The following EXD1 variants were observed in gnomAD, a reference collection of about 807,000 sequenced individuals.
EXD1 encodes the protein exonuclease 3'-5' domain containing 1, also known as piRNA biogenesis protein EXD1.
A neutral mutation model predicts 49.1 loss-of-function variants in EXD1; 63 were observed. The ratio of observed to expected loss-of-function variants is 1.28; its 90% confidence interval spans 1.05 to 1.58. The LOEUF is 1.58. EXD1 is among the 40% of genes most tolerant of loss of function. EXD1 has a pLI of 0.00. For missense variants in EXD1, 748 were observed against 666.0 expected, an observed-to-expected ratio of 1.12 and a Z score of -1.36; for synonymous variants, 234 against 239.2, an observed-to-expected ratio of 0.98 and a Z score of 0.20.
intron 2 of EXD1, among the ~76,000 whole-genome samples, 181 bp downstream of exon 2, chr15:41,226,262 A>T (rs2047163632): frequency 6.6e-6 from 1 of 152,130 alleles, no homozygotes; most frequent in South Asian, 2.1e-4. Flanking sequence ...AAAAAAAAAA[A>T]GTAGGGACAA....
In EXD1 at chr15:41,215,839, A is replaced by G. The variant is rs8025916; in HGVS notation, c.389-6T>C. 0.079 allele frequency: 127,897 copies of G among 1,612,832 alleles called. 10,042 individuals carry two copies. Among genetic ancestry groups the G allele is most frequent in the African/African-American group, 0.4 (30,060 of 74,856 alleles). ...GTATGTCACCTCCTCTTCCTCTACA[A>G]GACAAGGATTGCATTAGATATATTT... On this transcript the variant is annotated splice_region_variant and splice_polypyrimidine_tract_variant and intron_variant, in intron 5 of 11. Transcript: ENST00000458580.
At chr15:41,224,866 G>A (rs532034160) in intron 2 of EXD1, among the ~76,000 whole-genome samples, 1 of 152,238 alleles carries the variant, frequency 6.6e-6, no homozygotes, top group Non-Finnish European at 1.5e-5. Flanking sequence ...AGGAGGCTGA[G>A]GTGGGAGGAT....
chr15:41,186,946 G>A (rs970534990), intron 11 of EXD1, among the ~76,000 whole-genome samples: 6 of 149,010 alleles, frequency 4.0e-5, no homozygotes, highest in African/African-American at 9.9e-5. Context: ...GTGCAATGGC[G>A]TGATCTCAGC....
chr15:41,186,077 G>T (rs1264895519), intron 11 of EXD1, among the ~76,000 whole-genome samples: 5 of 152,010 alleles, frequency 3.3e-5, no homozygotes, highest in Non-Finnish European at 7.4e-5. Context: ...CACAATTTTT[G>T]TACTGTTCCT....
intron 3 of EXD1, among the ~76,000 whole-genome samples, chr15:41,218,316 T>G (rs1475233709): frequency 1.3e-5 from 2 of 151,760 alleles, no homozygotes; most frequent in Admixed American, 1.3e-4. Flanking sequence ...GAAACCCCGT[T>G]TCTACTAAAA....
intron 7 of EXD1, among the ~76,000 whole-genome samples, chr15:41,206,331 G>A (rs1407725486): frequency 2.0e-5 from 3 of 151,740 alleles, no homozygotes; most frequent in Non-Finnish European, 2.9e-5. Context: ...TTAGCCAGGC[G>A]TAGAGGTGAG....
chr15:41,230,704 G>A lies in EXD1; in HGVS notation c.-279C>T, dbSNP rs985962021. On this transcript the variant is annotated 5_prime_UTR_variant, in exon 1 of 12. Transcript: ENST00000458580. ...AACCTGGAGAAAGGTCCGCGACGCCGGGGACACACGCCGCAGAGGCGACGC... is the reference window on the plus strand; with the variant it reads ...AACCTGGAGAAAGGTCCGCGACGCCAGGGACACACGCCGCAGAGGCGACGC... The A allele has an allele frequency of 1.1e-5, 8 of 720,932 alleles. No individual in the cohort carries two copies. The highest frequency in any genetic ancestry group is 3.0e-5 in the Admixed American group (1 of 33,842). 44.7% of individuals were successfully genotyped at this position (720,932 alleles called of 1,614,324 possible). A position where few individuals can be genotyped will look rare whatever the true frequency, so the allele number is the denominator to read the frequency against.
intron 2 of EXD1, among the ~76,000 whole-genome samples, chr15:41,223,146 T>G (rs969298910): frequency 6.6e-6 from 1 of 152,054 alleles, no homozygotes; most frequent in African/African-American, 2.4e-5. Context: ...TTAGGCTGGA[T>G]GTGGTGGCTC....
chr15:41,184,020 T>G lies in EXD1; in HGVS notation c.1630A>C (p.Ile544Leu). Reference protein sequence around the residue: ...RVSPSDTFYPIRKTVVSTLPP... With the variant: ...RVSPSDTFYPLRKTVVSTLPP... The stretch of plus-strand genomic sequence containing the variant: ...AGTGTGGAAACCACAGTCTTTCTGA[T>G]AGGATAAAAAGTGTCACTTGGAGAC... Residue 544 changes from isoleucine to leucine, a missense_variant, in exon 12 of 12, where the codon ATC becomes CTC. Ile to Leu is a conservative substitution (Grantham distance 5, BLOSUM62 2). Coordinates refer to ENST00000458580, the MANE Select transcript of EXD1 (RefSeq NM_001286441.2). 6.2e-7 allele frequency: 1 copy of G among 1,614,144 alleles called. No homozygotes were observed. Among genetic ancestry groups the G allele is most frequent in the Non-Finnish European group, 8.5e-7 (1 of 1,180,018 alleles).
chr15:41,212,859 C>A (rs1341346740), intron 6 of EXD1, among the ~76,000 whole-genome samples: 1 of 151,994 alleles, frequency 6.6e-6, no homozygotes, highest in African/African-American at 2.4e-5. Flanking sequence ...GGCAACATAA[C>A]GAGACGTTGT....
chr15:41,210,374 C>T (rs1369670871), intron 6 of EXD1, among the ~76,000 whole-genome samples: 2 of 152,278 alleles, frequency 1.3e-5, no homozygotes, highest in African/African-American at 4.8e-5. Context: ...TCCCTTAAAG[C>T]CTCGGATTCA....
intron 9 of EXD1, among the ~76,000 whole-genome samples, chr15:41,192,886 C>G (rs535193309): frequency 1.8e-4 from 27 of 151,030 alleles, no homozygotes; most frequent in Non-Finnish European, 3.4e-4. Context: ...AGCTCCGCCT[C>G]CCGGGTTCAC....
chr15:41,193,181 G>T (rs1244151317), intron 9 of EXD1, among the ~76,000 whole-genome samples: 3 of 152,096 alleles, frequency 2.0e-5, no homozygotes, highest in Non-Finnish European at 4.4e-5. Context: ...GCCTCCCAAA[G>T]TGTTGGGATT....
At chr15:41,199,097 T>C (rs896800077) in intron 7 of EXD1, among the ~76,000 whole-genome samples, 5 of 152,120 alleles carry the variant, frequency 3.3e-5, no homozygotes, top group Admixed American at 6.6e-5. Context: ...GTAGCTGGGA[T>C]TACAGGTGCA....
intron 9 of EXD1, among the ~76,000 whole-genome samples, chr15:41,192,925 T>C (rs931968147): frequency 2.0e-5 from 3 of 151,442 alleles, no homozygotes; most frequent in Non-Finnish European, 4.4e-5. Context: ...CCTCTCCAAG[T>C]AGCTGGGACT....
At position 41,190,099 on chromosome 15, in the gene EXD1, AG is replaced by A; in HGVS notation, c.893del (p.Pro298LeufsTer7). ...AAATTTTCAGTAAAGAGGGTGAAAC[AG>A]GTCGGATGAACCATACTTCTGGATT... ...QENPEVWFIR[P>X]VSPSLLKILA... is the part of the protein sequence containing the mutation. On this transcript the variant is annotated frameshift_variant, in exon 11 of 12. Coordinates refer to ENST00000458580, the MANE Select transcript of EXD1 (RefSeq NM_001286441.2). LOFTEE classifies it high-confidence loss of function. 1 of 1,614,206 alleles carries A rather than the reference AG, an allele frequency of 6.2e-7. No individual in the cohort carries two copies. Among genetic ancestry groups the A allele is most frequent in the Non-Finnish European group, 8.5e-7 (1 of 1,180,026 alleles).
intron 7 of EXD1, among the ~76,000 whole-genome samples, chr15:41,197,117 G>T (rs947795186): frequency 1.3e-5 from 2 of 152,026 alleles, no homozygotes; most frequent in Admixed American, 1.3e-4. Flanking sequence ...GAGCCACCAG[G>T]CCCCACCACA....
Position 41,215,822 on chromosome 15 carries a change from C to T in EXD1, c.400G>A (p.Val134Met). ...AATTGATTAATGACTGTGTATGTCA[C>T]CTCCTCTTCCTCTACAAGACAAGGA... ...LKYSPSEEEEVTYTVINQFQQ... is the reference protein window; with the variant it reads ...LKYSPSEEEEMTYTVINQFQQ... The change falls in exon 6 of 12, where the codon GTG becomes ATG. Residue 134 changes from valine to methionine, a missense_variant. By Grantham distance (21) the Val-to-Met change is conservative. Transcript: ENST00000458580. 1 of 1,613,970 alleles carries T rather than the reference C, an allele frequency of 6.2e-7. No homozygotes were observed. Among genetic ancestry groups the T allele is most frequent in the Non-Finnish European group, 8.5e-7 (1 of 1,179,906 alleles).
intron 2 of EXD1, 101 bp downstream of exon 2, chr15:41,226,341 TA>T: frequency 1.8e-6 from 2 of 1,141,098 alleles, no homozygotes; most frequent in Non-Finnish European, 2.5e-6. Flanking sequence ...ACACTTTACC[TA>T]AAATAGGAAT....
Sources: allele counts gnomAD v4.1 joint callset (sites outside exome capture counted in the v4.1 genomes callset), GRCh38; gene constraint gnomAD v4.1.1; transcripts MANE v1.5; gene names NCBI Gene and HGNC (gene_info 2026-07-23, HGNC 2026-07-21).